Variants in CA12 observed in about 807,000 individuals in gnomAD.
CA12 encodes the protein carbonate dehydratase XII.
A neutral mutation model predicts 46.8 loss-of-function variants in CA12; 36 were observed. That is an observed-to-expected ratio of 0.77 (90% CI 0.59 to 1.02). The LOEUF is 1.02. Among genes scored for constraint, CA12 ranks in the 50% least tolerant of loss-of-function variants. The pLI is 0.00. For synonymous variants in CA12, 202 were observed against 187.0 expected (o/e 1.08, Z -0.65); for missense variants, 436 against 451.4 (o/e 0.97, Z 0.31).
At chr15:63,334,018 TAGG>T (rs1223364744) in intron 8 of CA12, among the ~76,000 whole-genome samples, 1 of 152,140 alleles carries the variant, frequency 6.6e-6, no homozygotes, top group Admixed American at 6.5e-5. Flanking sequence ...TGCCACTGGC[TAGG>T]AGGAGGTGAA....
At chr15:63,363,794 A>G (rs1429189432) in intron 2 of CA12, among the ~76,000 whole-genome samples, 1 of 152,242 alleles carries the variant, frequency 6.6e-6, no homozygotes, top group African/African-American at 2.4e-5. Flanking sequence ...GTTTTCTGAC[A>G]GGGCATCTGT....
At position 63,345,568 on chromosome 15, in the gene CA12, T is replaced by C. The variant is rs1368792458; in HGVS notation, c.338A>G (p.Tyr113Cys). The part of the protein sequence containing the change: ...DMHIQGLQSR[Y>C]SATQLHLHWG... Reference sequence around the variant, plus strand: ...GTGCAGGTGCAGCTGCGTGGCACTGTAGCGAGACTGGAGGCCCTGGATGTG... The same window carrying C: ...GTGCAGGTGCAGCTGCGTGGCACTGCAGCGAGACTGGAGGCCCTGGATGTG... Residue 113 changes from tyrosine (Y) to cysteine (C), a missense_variant, in exon 4 of 11, where the codon TAC becomes TGC. Transcript: ENST00000178638. The surrounding 1 kb of genome is among the most constrained non-coding windows in gnomAD (Gnocchi z 4.3). 6.2e-7 allele frequency: 1 copy of C among 1,613,426 alleles called. No homozygotes were observed. Among genetic ancestry groups the C allele is most frequent in the Non-Finnish European group, 8.5e-7 (1 of 1,180,024 alleles).
In CA12 at chr15:63,340,093, A is replaced by G; in HGVS notation, c.747+195T>C. 1 of 668,318 alleles carries G rather than the reference A, an allele frequency of 1.5e-6. No homozygotes were observed. The highest frequency in any genetic ancestry group is 2.4e-5 in the Admixed American group (1 of 41,802). The allele number at this position is 668,318 out of a possible 1,614,324, so 41.4% of individuals were successfully genotyped here. A position where few individuals can be genotyped will look rare whatever the true frequency, so the allele number is the denominator to read the frequency against. On this transcript the variant is annotated intron_variant, in intron 7 of 10. Transcript: ENST00000178638. This position sits in a 1 kb window ranked among gnomAD's most constrained non-coding sequence, Gnocchi z 4.4. ...AAAAAGAACTAGGAGACATCTATTC[A>G]TTTGCCTAGCTTGACTTCTTTTGAA...
chr15:63,363,954 G>A (rs1033152527), intron 2 of CA12, among the ~76,000 whole-genome samples: 7 of 151,850 alleles, frequency 4.6e-5, no homozygotes, highest in East Asian at 2.0e-4. Flanking sequence ...TTGGGAGGCC[G>A]AGGAGGGCGG....
intron 8 of CA12, among the ~76,000 whole-genome samples, chr15:63,334,981 G>A (rs1479522460): frequency 6.6e-6 from 1 of 152,218 alleles, no homozygotes; most frequent in East Asian, 1.9e-4. Flanking sequence ...ACCAGGGCAT[G>A]TGATATAAAA....
At position 63,331,078 on chromosome 15, in the gene CA12, T is replaced by C. The variant is rs1343245882; in HGVS notation, c.875-2948A>G. On this transcript the variant is annotated intron_variant, in intron 8 of 10. Transcript: ENST00000178638. The surrounding 1 kb of genome is among the most constrained non-coding windows in gnomAD (Gnocchi z 5.3). ...TCAGGAAGCCCAGGGCAGGAAGGTG[T>C]TGTTGGAATGCTGTCCCTGCCAATC... 6.6e-6 allele frequency among the ~76,000 whole-genome samples: 1 copy of C among 152,232 alleles called. No homozygotes were observed. Among genetic ancestry groups the C allele is most frequent in the South Asian group, 2.1e-4 (1 of 4,834 alleles).
At chr15:63,326,687 A>G (rs531476870) in intron 10 of CA12, among the ~76,000 whole-genome samples, 2 of 152,162 alleles carry the variant, frequency 1.3e-5, no homozygotes, top group South Asian at 4.2e-4. Flanking sequence ...CCCCCCAAAT[A>G]AATTAGGTTT....
chr15:63,340,026 G>A lies in CA12; in HGVS notation c.747+262C>T. On this transcript the variant is annotated intron_variant, in intron 7 of 10. Coordinates refer to ENST00000178638, the MANE Select transcript of CA12 (RefSeq NM_001218.5). This position sits in a 1 kb window ranked among gnomAD's most constrained non-coding sequence, Gnocchi z 4.4. ...GGGAAGTGAATACCACCCAGCCACT[G>A]AGGATATATTAGCAAATGCAGATTT... is the stretch of plus-strand genomic sequence containing the variant. 2.1e-6 allele frequency: 1 copy of A among 487,628 alleles called. No homozygotes were observed. The highest frequency in any genetic ancestry group is 3.7e-6 in the Non-Finnish European group (1 of 268,054). The allele number at this position is 487,628 out of a possible 1,614,324, so 30.2% of individuals were successfully genotyped here.
Position 63,348,480 on chromosome 15 carries a change from C to T in CA12, c.107-1771G>A, listed in dbSNP as rs2039183076. Among the ~76,000 whole-genome samples, 1 of 152,124 alleles carries T rather than the reference C, an allele frequency of 6.6e-6. No individual in the cohort carries two copies. Among genetic ancestry groups the T allele is most frequent in the African/African-American group, 2.4e-5 (1 of 41,420 alleles). ...CAACCGTGAGGCCTCATGTAGAACCCCAGGGTCAGGAAGAGACACAGCACA... is the reference window on the plus strand; with the variant it reads ...CAACCGTGAGGCCTCATGTAGAACCTCAGGGTCAGGAAGAGACACAGCACA... On this transcript the variant is annotated intron_variant, in intron 2 of 10. Transcript: ENST00000178638. The surrounding 1 kb of genome is among the most constrained non-coding windows in gnomAD (Gnocchi z 4.6).
Position 63,345,868 on chromosome 15 carries a change from A to C in CA12, c.287-249T>G, listed in dbSNP as rs1450275924. On this transcript the variant is annotated intron_variant, in intron 3 of 10. Transcript: ENST00000178638. This position sits in a 1 kb window ranked among gnomAD's most constrained non-coding sequence, Gnocchi z 4.3. ...CCAGCACCTTCTTGGTTCACCTTGG[A>C]AAGTGATGCCAGAAACGCTAACACT... Among the ~76,000 whole-genome samples the C allele has an allele frequency of 6.6e-6, 1 of 152,240 alleles. No homozygotes were observed. Among genetic ancestry groups the C allele is most frequent in the Non-Finnish European group, 1.5e-5 (1 of 68,042 alleles).
intron 2 of CA12, among the ~76,000 whole-genome samples, chr15:63,352,658 C>T (rs984964070): frequency 4.6e-5 from 7 of 152,114 alleles, no homozygotes; most frequent in South Asian, 2.1e-4. Context: ...GCTACCAACA[C>T]GCAGTCAGAT....
chr15:63,349,463 C>T (rs1057002432), intron 2 of CA12, among the ~76,000 whole-genome samples: 7 of 152,158 alleles, frequency 4.6e-5, no homozygotes, highest in African/African-American at 1.2e-4. Context: ...CAGCGGAGTT[C>T]GTCCTTGGGC....
chr15:63,365,608 C>T (rs186660087), intron 2 of CA12, among the ~76,000 whole-genome samples: 1 of 152,382 alleles, frequency 6.6e-6, no homozygotes, highest in East Asian at 1.9e-4. Context: ...GACGGGCTTT[C>T]AGCCACAATC....
chr15:63,336,401 GC>G (rs1279575931), intron 8 of CA12, among the ~76,000 whole-genome samples: 2 of 152,142 alleles, frequency 1.3e-5, no homozygotes, highest in African/African-American at 4.8e-5. Flanking sequence ...TCAAGCTCCT[GC>G]CCGGTTTCTT....
In CA12 at chr15:63,355,530, T is replaced by C. The variant is rs2039283905; in HGVS notation, c.107-8821A>G. Among the ~76,000 whole-genome samples, 1 of 152,228 alleles carries C rather than the reference T, an allele frequency of 6.6e-6. No individual in the cohort carries two copies. The highest frequency in any genetic ancestry group is 1.5e-5 in the Non-Finnish European group (1 of 68,048). On this transcript the variant is annotated intron_variant, in intron 2 of 10. Transcript: ENST00000178638. The surrounding 1 kb of genome is among the most constrained non-coding windows in gnomAD (Gnocchi z 4.1). ...GCCGTTGGACAAGGCTGCCAGGCGA[T>C]GCTGCTGCGGGCTGAGGCTGAGAAG...
At chr15:63,367,373 A>T (rs901115626) in intron 2 of CA12, among the ~76,000 whole-genome samples, 1 of 152,248 alleles carries the variant, frequency 6.6e-6, no homozygotes, top group Non-Finnish European at 1.5e-5. Flanking sequence ...CTTCCACGAC[A>T]TTGAGAGTTC....
rs567181896 is a variant in CA12 at position 63,378,312 on chromosome 15, C to T, written c.86-2634G>A. ...CTGAGGCAGGAGAATTGCTTGAACC[C>T]GGGAGGCGGAGGTTGCAGTGAGCTG... is the stretch of plus-strand genomic sequence containing the variant. On this transcript the variant is annotated intron_variant, in intron 1 of 10. Transcript: ENST00000178638. The surrounding 1 kb of genome is among the most constrained non-coding windows in gnomAD (Gnocchi z 4.8). Among the ~76,000 whole-genome samples, 17 of 152,068 alleles carry T rather than the reference C, an allele frequency of 1.1e-4. No individual in the cohort carries two copies. The highest frequency in any genetic ancestry group is 3.6e-4 in the African/African-American group (15 of 41,398).
chr15:63,369,824 C>T (rs971187180), intron 2 of CA12, among the ~76,000 whole-genome samples: 1 of 152,194 alleles, frequency 6.6e-6, no homozygotes, highest in Admixed American at 6.5e-5. Context: ...TTTTCTGCCT[C>T]ATCCTCTGTT....
chr15:63,346,405 G>GCCC, intron 3 of CA12, 125 bp downstream of exon 3: 2 of 388,804 alleles, frequency 5.1e-6, no homozygotes, highest in Admixed American at 5.6e-5. Flanking sequence ...AGACACCCCC[G>GCCC]CCCCGCCCCA....
Sources: allele counts gnomAD v4.1 joint callset (sites outside exome capture counted in the v4.1 genomes callset), GRCh38; gene constraint gnomAD v4.1.1; non-coding constraint Gnocchi (gnomAD v3.1); transcripts MANE v1.5; gene names NCBI Gene and HGNC (gene_info 2026-07-23, HGNC 2026-07-21).